The following KIAA1671 variants were observed in gnomAD, a reference collection of about 807,000 sequenced individuals.
The protein encoded by KIAA1671 is KIAA1671.
A neutral mutation model predicts 131.2 loss-of-function variants in KIAA1671; 52 were observed. The ratio of observed to expected loss-of-function variants is 0.40; its 90% CI spans 0.32 to 0.50. The LOEUF (loss-of-function observed/expected upper bound fraction) is 0.50, where lower values mean the gene tolerates loss of function less well. KIAA1671 is among the 20% of genes least tolerant of loss of function. The probability of loss-of-function intolerance (pLI) is 0.73; values close to 1 mark genes in which losing one functional copy is unlikely to be tolerated. For synonymous variants in KIAA1671, 1,003 were observed against 961.6 expected (o/e 1.04, Z -0.80); for missense variants, 2,360 against 2,364.2 (o/e 1.00, Z 0.04).
chr22:24,965,340 G>C (rs1377399422), intron 1 of KIAA1671, among the ~76,000 whole-genome samples: 2 of 151,574 alleles, frequency 1.3e-5, no homozygotes, highest in African/African-American at 4.8e-5. Flanking sequence ...GCTTGAACCC[G>C]GGAGGCTGAG....
intron 1 of KIAA1671, among the ~76,000 whole-genome samples, chr22:24,989,554 A>C (rs1489180501): frequency 6.6e-6 from 1 of 152,116 alleles, no homozygotes; most frequent in Non-Finnish European, 1.5e-5. Context: ...CTAAGATGAA[A>C]ATTCTGAACT....
At chr22:25,187,709 C>A (rs909110953) in intron 11 of KIAA1671, among the ~76,000 whole-genome samples, 1 of 152,078 alleles carries the variant, frequency 6.6e-6, no homozygotes, top group South Asian at 2.1e-4. Flanking sequence ...CAAGATTTCG[C>A]CATGTTGCCC....
At position 25,047,084 on chromosome 22, in the gene KIAA1671, C is replaced by T. The variant is rs1927279720; in HGVS notation, c.4396-2146C>T. Among the ~76,000 whole-genome samples, 3 of 151,852 alleles carry T rather than the reference C, an allele frequency of 2.0e-5. No homozygotes were observed. In the South Asian group the frequency reaches 6.3e-4, roughly 32 times the overall value. ...CTCCTGGGCTCGAGCAGTCCTCCCACCTCAGCCTCCCAAGCAGCTGGGACT... is the reference window on the plus strand; with the variant it reads ...CTCCTGGGCTCGAGCAGTCCTCCCATCTCAGCCTCCCAAGCAGCTGGGACT... On this transcript the variant is annotated intron_variant, in intron 5 of 12. Transcript: ENST00000358431.
chr22:24,985,465 G>C (rs375252949), intron 1 of KIAA1671, among the ~76,000 whole-genome samples: 1 of 151,568 alleles, frequency 6.6e-6, no homozygotes, highest in African/African-American at 2.4e-5. Context: ...TCAGCCTCCC[G>C]AGTAGCTGGG....
In KIAA1671 at chr22:25,177,462, G is replaced by A. The variant is rs769065346; in HGVS notation, c.5014G>A (p.Glu1672Lys). The A allele has an allele frequency of 1.0e-5, 16 of 1,551,638 alleles. No homozygotes were observed. The highest frequency in any genetic ancestry group is 1.7e-4 in the Middle Eastern group (1 of 6,014). ...SLRRSRFSES[E>K]SRSPLEDETD... ...CCGGCGCAGCCGATTTAGTGAGTCCGAGAGCAGATCACCTTTGGAGGATGA... is the reference window on the plus strand; with the variant it reads ...CCGGCGCAGCCGATTTAGTGAGTCCAAGAGCAGATCACCTTTGGAGGATGA... The change falls in exon 9 of 13, where the codon GAG (glutamate) becomes AAG (lysine). Residue 1672 changes from glutamate (E) to lysine (K), a missense_variant. Coordinates refer to ENST00000358431, the MANE Select transcript of KIAA1671 (RefSeq NM_001145206.2).
intron 6 of KIAA1671, among the ~76,000 whole-genome samples, chr22:25,162,048 C>G (rs937221670): frequency 6.6e-6 from 1 of 152,174 alleles, no homozygotes; most frequent in Non-Finnish European, 1.5e-5. Flanking sequence ...AACCATGTGA[C>G]CTTGGGCATG....
intron 6 of KIAA1671, among the ~76,000 whole-genome samples, chr22:25,105,803 G>C (rs1470524415): frequency 1.5e-5 from 2 of 130,694 alleles, no homozygotes; most frequent in Non-Finnish European, 3.2e-5. Flanking sequence ...TATATAGCTT[G>C]TCACAGGTAT....
At chr22:25,000,921 A>G (rs2123861160) in intron 1 of KIAA1671, among the ~76,000 whole-genome samples, 1 of 151,872 alleles carries the variant, frequency 6.6e-6, no homozygotes, top group East Asian at 1.9e-4. Flanking sequence ...TGCTGGGATT[A>G]TAGGCATGAG....
intron 3 of KIAA1671, among the ~76,000 whole-genome samples, chr22:25,031,733 C>G (rs1414807844): frequency 2.0e-5 from 3 of 152,172 alleles, no homozygotes; most frequent in Admixed American, 2.0e-4. Context: ...TGCCACGGTC[C>G]TAATATGCTT....
At chr22:25,077,587 C>T (rs540532272) in intron 6 of KIAA1671, among the ~76,000 whole-genome samples, 3 of 152,274 alleles carry the variant, frequency 2.0e-5, no homozygotes, top group East Asian at 3.9e-4. Context: ...CTGAGTGGCC[C>T]GTGGGGCGTG....
chr22:24,999,726 C>A (rs1924333071), intron 1 of KIAA1671, among the ~76,000 whole-genome samples: 1 of 149,148 alleles, frequency 6.7e-6, no homozygotes, highest in Non-Finnish European at 1.5e-5. Flanking sequence ...CTATGCCTGG[C>A]TAACTGTTCA....
intron 6 of KIAA1671, among the ~76,000 whole-genome samples, chr22:25,072,622 C>T (rs144709729): frequency 0.017 from 2,661 of 152,268 alleles, 37 homozygotes; most frequent in African/African-American, 0.034. Flanking sequence ...CTCAAGGAAG[C>T]TTGGGAATGT....
chr22:25,043,628 G>A (rs1261423141), intron 5 of KIAA1671, among the ~76,000 whole-genome samples: 1 of 152,126 alleles, frequency 6.6e-6, no homozygotes, highest in Non-Finnish European at 1.5e-5. Context: ...GGAGTGATGG[G>A]GTGCAGAGGG....
At chr22:25,148,943 A>G (rs1298991002) in intron 6 of KIAA1671, among the ~76,000 whole-genome samples, 1 of 152,188 alleles carries the variant, frequency 6.6e-6, no homozygotes, top group Non-Finnish European at 1.5e-5. Context: ...GGGCTGATCT[A>G]TACCAAGAGT....
At chr22:25,166,473 C>T (rs890270604) in intron 6 of KIAA1671, among the ~76,000 whole-genome samples, 2 of 152,198 alleles carry the variant, frequency 1.3e-5, no homozygotes, top group African/African-American at 2.4e-5. Context: ...GTTTCACCCT[C>T]AGCAATGGAC....
chr22:25,017,092 G>A (rs1330282564), intron 1 of KIAA1671, among the ~76,000 whole-genome samples: 1 of 152,108 alleles, frequency 6.6e-6, no homozygotes, highest in Non-Finnish European at 1.5e-5. Context: ...CCTAGAAAGG[G>A]GTGGTAATGG....
At chr22:25,142,666 G>T (rs1175805492) in intron 6 of KIAA1671, among the ~76,000 whole-genome samples, 1 of 152,214 alleles carries the variant, frequency 6.6e-6, no homozygotes, top group East Asian at 1.9e-4. Flanking sequence ...GAGGTCAGGA[G>T]TTCGAGACCA....
intron 6 of KIAA1671, chr22:25,064,740 G>A (rs558423241): frequency 1.3e-5 from 2 of 152,286 alleles, no homozygotes; most frequent in Non-Finnish European, 2.9e-5. Context: ...GCACACAGTG[G>A]GTCTGCCATC....
At chr22:25,092,953 A>T (rs764777334) in intron 6 of KIAA1671, among the ~76,000 whole-genome samples, 1 of 152,126 alleles carries the variant, frequency 6.6e-6, no homozygotes, top group Non-Finnish European at 1.5e-5. Flanking sequence ...GATGCAGGGA[A>T]CAGGGAGGGT....
Sources: allele counts gnomAD v4.1 joint callset (sites outside exome capture counted in the v4.1 genomes callset), GRCh38; gene constraint gnomAD v4.1.1; transcripts MANE v1.5; gene names NCBI Gene and HGNC (gene_info 2026-07-23, HGNC 2026-07-21).